Variants in AP3S1 observed in about 807,000 individuals in gnomAD.
AP3S1 encodes the protein adaptor related protein complex 3 subunit sigma 1.
A neutral mutation model predicts 21.3 loss-of-function variants in AP3S1; 12 were observed. The ratio of observed to expected loss-of-function variants is 0.56; its 90% CI spans 0.36 to 0.91. The LOEUF (loss-of-function observed/expected upper bound fraction) is 0.91. AP3S1 is among the 40% of genes least tolerant of loss of function. AP3S1 has a pLI of 0.01. For synonymous variants in AP3S1, 48 were observed against 78.4 expected, an observed-to-expected ratio of 0.61 and a Z score of 2.05; for missense variants, 116 against 225.0, an observed-to-expected ratio of 0.52 and a Z score of 3.10.
rs780986157 is a variant in AP3S1 at position 115,903,000 on chromosome 5, T to C, written c.453+8T>C. On this transcript the variant is annotated splice_region_variant and intron_variant, in intron 5 of 5. Coordinates refer to ENST00000316788, the MANE Select transcript of AP3S1 (RefSeq NM_001284.4). ...AAGCTGGAAAAATCTGAGGTAAGAA[T>C]GGAAAATGCTGTAGTTAAGAAGGTT... The C allele has an allele frequency of 6.3e-7, 1 of 1,575,286 alleles. No homozygotes were observed. Among genetic ancestry groups the C allele is most frequent in the East Asian group, 2.2e-5 (1 of 44,490 alleles).
Position 115,866,679 on chromosome 5 carries a change from A to G in AP3S1, c.79A>G (p.Thr27Ala), listed in dbSNP as rs373799290. 14 of 1,598,486 alleles carry G rather than the reference A, an allele frequency of 8.8e-6. No homozygotes were observed. Among genetic ancestry groups the G allele is most frequent in the East Asian group, 2.3e-5 (1 of 44,354 alleles). The change falls in exon 2 of 6, where the codon ACA becomes GCA. Residue 27 changes from threonine (T) to alanine (A), a missense_variant. Transcript: ENST00000316788. ...AATTATTCTTCCTCAGAGTGAAGAT[A>G]CACAACAGCAAATCATCAGGGAGAC... ...SKFYQPYSED[T>A]QQQIIRETFH... is the part of the protein sequence containing the mutation.
At chr5:115,889,437 A>C (rs749439078) in intron 3 of AP3S1, among the ~76,000 whole-genome samples, 7 of 152,214 alleles carry the variant, frequency 4.6e-5, no homozygotes, top group Admixed American at 6.5e-5. Context: ...TGAAGAGTAA[A>C]ATAATAAAGC....
chr5:115,890,341 A>G lies in AP3S1; in HGVS notation c.274-4746A>G, dbSNP rs554124060. ...ACTAAGAATGATTAGCTGTTGTATT[A>G]TGTAATAACCTGAATAAATCTCACA... On this transcript the variant is annotated intron_variant, in intron 3 of 5. Coordinates refer to ENST00000316788, the MANE Select transcript of AP3S1 (RefSeq NM_001284.4). 5.3e-5 allele frequency among the ~76,000 whole-genome samples: 8 copies of G among 152,342 alleles called. No individual in the cohort carries two copies. The South Asian group carries it at 1.7e-3, about 32-fold the overall frequency.
chr5:115,860,572 A>C (rs774149447), intron 1 of AP3S1, among the ~76,000 whole-genome samples: 1 of 152,214 alleles, frequency 6.6e-6, no homozygotes, highest in Admixed American at 6.5e-5. Flanking sequence ...ACTTCCAGAC[A>C]TATGTAAAAG....
At chr5:115,908,728 G>C (rs1751859663) in intron 5 of AP3S1, among the ~76,000 whole-genome samples, 1 of 152,090 alleles carries the variant, frequency 6.6e-6, no homozygotes, top group Non-Finnish European at 1.5e-5. Flanking sequence ...GCTGTCTAGA[G>C]AATTGTCATG....
intron 2 of AP3S1, among the ~76,000 whole-genome samples, chr5:115,867,281 C>T (rs1763712568): frequency 6.6e-6 from 1 of 150,900 alleles, no homozygotes; most frequent in African/African-American, 2.5e-5. Context: ...CAGAGTATTC[C>T]TTTTTGTGAA....
intron 3 of AP3S1, among the ~76,000 whole-genome samples, chr5:115,885,244 T>C (rs1749677952): frequency 6.6e-6 from 1 of 152,164 alleles, no homozygotes; most frequent in Non-Finnish European, 1.5e-5. Context: ...TAGGGAGAAT[T>C]GGCTCACACA....
chr5:115,911,772 A>G (rs536459459), intron 5 of AP3S1, among the ~76,000 whole-genome samples: 3 of 151,446 alleles, frequency 2.0e-5, no homozygotes, highest in Non-Finnish European at 4.4e-5. Context: ...TGTATCTCCA[A>G]CATCTTTGGG....
chr5:115,844,214 G>A (rs1485904896), intron 1 of AP3S1, among the ~76,000 whole-genome samples: 1 of 152,008 alleles, frequency 6.6e-6, no homozygotes, highest in African/African-American at 2.4e-5. Flanking sequence ...GTTTGTCAAC[G>A]GATAAATTTA....
Position 115,865,987 on chromosome 5 carries a change from G to A in AP3S1, c.70-683G>A, listed in dbSNP as rs1378746767. Among the ~76,000 whole-genome samples the A allele has an allele frequency of 3.9e-5, 6 of 152,184 alleles. No homozygotes were observed. The South Asian group carries it at 6.2e-4, about 16-fold the overall frequency. ...CTATTTTTGTATTTTTAGTAGAGAC[G>A]GGGTTTCACTGTGTTGGCCAGGATG... is the stretch of plus-strand genomic sequence containing the variant. On this transcript the variant is annotated intron_variant, in intron 1 of 5. Coordinates refer to ENST00000316788, the MANE Select transcript of AP3S1 (RefSeq NM_001284.4).
chr5:115,900,871 A>C (rs1439572025), intron 4 of AP3S1, among the ~76,000 whole-genome samples: 2 of 152,278 alleles, frequency 1.3e-5, no homozygotes, highest in South Asian at 2.1e-4. Flanking sequence ...CCACTTCTTA[A>C]TACCTCAGAA....
At chr5:115,899,064 A>G (rs3797566) in intron 4 of AP3S1, among the ~76,000 whole-genome samples, 61,763 of 151,968 alleles carry the variant, frequency 0.41, 12,830 homozygotes, top group Admixed American at 0.47. Context: ...AATATACTCT[A>G]TTCTCCTCTC....
Position 115,861,212 on chromosome 5 carries a change from G to GTCTTAGAA in AP3S1, c.70-5457_70-5450dup, listed in dbSNP as rs540530903. Among the ~76,000 whole-genome samples, 16 of 152,326 alleles carry GTCTTAGAA rather than the reference G, an allele frequency of 1.1e-4. No homozygotes were observed. The East Asian group carries it at 2.9e-3, about 28-fold the overall frequency. ...ATAGAAGTCATAATGTTCTAGCTGT[G>GTCTTAGAA]TCTTAGAAAGGGTGTTGCTAGAGAA... On this transcript the variant is annotated intron_variant, in intron 1 of 5. Transcript: ENST00000316788.
rs193119071 is a variant in AP3S1 at position 115,879,216 on chromosome 5, C to G, written c.273+9088C>G. Among the ~76,000 whole-genome samples the G allele has an allele frequency of 1.3e-3, 194 of 152,270 alleles. 1 individual carries two copies. The highest frequency in any genetic ancestry group is 4.3e-3 in the African/African-American group (177 of 41,542). On this transcript the variant is annotated intron_variant, in intron 3 of 5. Coordinates refer to ENST00000316788, the MANE Select transcript of AP3S1 (RefSeq NM_001284.4). ...CTTTCTCTTGCCTGATTGCCCTGGCCAGAACTTCCAATACTGTGTTGAATA... is the reference window on the plus strand; with the variant it reads ...CTTTCTCTTGCCTGATTGCCCTGGCGAGAACTTCCAATACTGTGTTGAATA...
At chr5:115,897,621 G>A (rs917496189) in intron 4 of AP3S1, among the ~76,000 whole-genome samples, 1 of 149,976 alleles carries the variant, frequency 6.7e-6, no homozygotes, top group African/African-American at 2.5e-5. Flanking sequence ...GAGTGTAGTG[G>A]CGATCTCGGC....
At chr5:115,867,954 G>A (rs1234304382) in intron 2 of AP3S1, among the ~76,000 whole-genome samples, 1 of 152,106 alleles carries the variant, frequency 6.6e-6, no homozygotes, top group Admixed American at 6.6e-5. Context: ...GCAGAGATGA[G>A]GCCTCACATC....
chr5:115,870,915 A>C (rs1485519168), intron 3 of AP3S1, among the ~76,000 whole-genome samples: 1 of 152,234 alleles, frequency 6.6e-6, no homozygotes, highest in East Asian at 1.9e-4. Context: ...CTAATAGCAA[A>C]AACATTAGCT....
intron 2 of AP3S1, among the ~76,000 whole-genome samples, chr5:115,867,026 A>C (rs1446006135): frequency 6.6e-6 from 1 of 152,134 alleles, no homozygotes; most frequent in Non-Finnish European, 1.5e-5. Flanking sequence ...AGGGAAGTAT[A>C]AAATGTAAAA....
intron 3 of AP3S1, among the ~76,000 whole-genome samples, chr5:115,876,443 C>T (rs567077938): frequency 6.6e-6 from 1 of 152,212 alleles, no homozygotes; most frequent in East Asian, 1.9e-4. Flanking sequence ...GTAAATTCAT[C>T]ATGTCCTAAT....
Sources: allele counts gnomAD v4.1 joint callset (sites outside exome capture counted in the v4.1 genomes callset), GRCh38; gene constraint gnomAD v4.1.1; transcripts MANE v1.5; gene names NCBI Gene and HGNC (gene_info 2026-07-23, HGNC 2026-07-21).